Variants in TMEM171 observed in about 807,000 individuals in gnomAD.
TMEM171 encodes proline-rich protein PRP2.
In TMEM171, 16 loss-of-function variants were observed where a neutral mutation model predicts 19.1. The observed-to-expected ratio is 0.84, with a 90% CI of 0.57 to 1.27. The LOEUF (loss-of-function observed/expected upper bound fraction) is 1.27, where lower values mean the gene tolerates loss of function less well. Among genes scored for constraint, TMEM171 ranks in the 50% most tolerant of loss-of-function variants. The pLI is 0.00. For synonymous variants in TMEM171, 153 were observed against 163.4 expected, an observed-to-expected ratio of 0.94 and a Z score of 0.48; for missense variants, 429 against 412.7, an observed-to-expected ratio of 1.04 and a Z score of -0.34.
Position 73,131,772 on chromosome 5 carries a change from T to C in TMEM171, c.*42T>C, listed in dbSNP as rs1744368507. 1 of 1,456,420 alleles carries C rather than the reference T, an allele frequency of 6.9e-7. No homozygotes were observed. The highest frequency in any genetic ancestry group is 1.4e-5 in the African/African-American group (1 of 69,668). 90.2% of individuals were successfully genotyped at this position (1,456,420 alleles called of 1,614,324 possible). ...CAGTTTTATATGCAATGGATCACTA[T>C]TTTATTTAATTTTTTTTAAATAAAA... On this transcript the variant is annotated 3_prime_UTR_variant, in exon 4 of 4. Coordinates refer to ENST00000454765, the MANE Select transcript of TMEM171 (RefSeq NM_173490.8).
Position 73,128,415 on chromosome 5 carries a change from C to T in TMEM171, c.666C>T (p.Pro222=), listed in dbSNP as rs757208216. The change falls in exon 3 of 4, where the codon CCC becomes CCT. Residue 222 remains proline (P), a synonymous_variant. Coordinates refer to ENST00000454765, the MANE Select transcript of TMEM171 (RefSeq NM_173490.8). ...GTGACTCGGTAATAATATTTCCACC[C>T]CCTCCACCACCTTACTTTCCTGAAT... ...TVGDSVIIFP[P]PPPPYFPESS... 6.2e-6 allele frequency: 10 copies of T among 1,614,000 alleles called. No individual in the cohort carries two copies. The South Asian group carries it at 7.7e-5, about 12-fold the overall frequency.
At chr5:73,127,384 A>AATATATATATATATATATATAT (rs59879336) in intron 2 of TMEM171, among the ~76,000 whole-genome samples, 35 of 81,622 alleles carry the variant, frequency 4.3e-4, no homozygotes, top group African/African-American at 2.0e-3. Flanking sequence ...AAAAAAAAAA[A>AATATATATATATATATATATAT]ATATATATAT....
At chr5:73,127,384 A>AAAAAAAAAAAAATATATATATAT in intron 2 of TMEM171, among the ~76,000 whole-genome samples, 5 of 81,674 alleles carry the variant, frequency 6.1e-5, no homozygotes, top group Admixed American at 1.1e-4. Flanking sequence ...AAAAAAAAAA[A>AAAAAAAAAAAAATATATATATAT]ATATATATAT....
At chr5:73,130,192 T>G (rs1744295564) in intron 3 of TMEM171, among the ~76,000 whole-genome samples, 3 of 146,524 alleles carry the variant, frequency 2.0e-5, no homozygotes, top group Admixed American at 6.8e-5. Flanking sequence ...AGAGAGGAGG[T>G]GATGGAGATG....
intron 2 of TMEM171, among the ~76,000 whole-genome samples, chr5:73,126,054 C>T (rs1744154970): frequency 6.6e-6 from 1 of 152,290 alleles, no homozygotes; most frequent in South Asian, 2.1e-4. Context: ...AAAGGGAACT[C>T]GCAGAGGAGA....
chr5:73,124,031 G>A lies in TMEM171; in HGVS notation c.640+18G>A, dbSNP rs752547203. The A allele has an allele frequency of 1.7e-5, 26 of 1,514,856 alleles. No homozygotes were observed. The East Asian group carries it at 2.5e-4, about 15-fold the overall frequency. 93.8% of individuals were successfully genotyped at this position (1,514,856 alleles called of 1,614,324 possible). On this transcript the variant is annotated intron_variant, in intron 2 of 3. Transcript: ENST00000454765. ...CACTGTAGGTGGGTTGCTGTTATTT[G>A]CGTTCTTGCTTCTATCACAGTGGCT... is the stretch of plus-strand genomic sequence containing the variant.
chr5:73,122,002 G>T (rs1744019209), intron 1 of TMEM171, among the ~76,000 whole-genome samples: 1 of 152,146 alleles, frequency 6.6e-6, no homozygotes, highest in African/African-American at 2.4e-5. Context: ...GAGATAATTA[G>T]GTCAGCTCTG....
intron 1 of TMEM171, among the ~76,000 whole-genome samples, chr5:73,121,538 A>T (rs1293120986): frequency 6.6e-6 from 1 of 152,216 alleles, no homozygotes; most frequent in Non-Finnish European, 1.5e-5. Context: ...TCACTGCAGG[A>T]TGTTACTGAC....
At chr5:73,128,674 G>A (rs1744252526) in intron 3 of TMEM171, 143 bp downstream of exon 3, 1 of 1,019,006 alleles carries the variant, frequency 9.8e-7, no homozygotes, top group Non-Finnish European at 1.3e-6. Context: ...GATATTAACA[G>A]TACCTTTGCC....
At position 73,127,384 on chromosome 5, in the gene TMEM171, A is replaced by AAAT; in HGVS notation, c.641-1005_641-1004insATA. ...AAATTTGTGGTAAAAAAAAAAAAAA[A>AAAT]ATATATATATATATATATATATAAA... is the stretch of plus-strand genomic sequence containing the variant. On this transcript the variant is annotated intron_variant, in intron 2 of 3. Coordinates refer to ENST00000454765, the MANE Select transcript of TMEM171 (RefSeq NM_173490.8). Among the ~76,000 whole-genome samples, 437 of 81,690 alleles carry AAAT rather than the reference A, an allele frequency of 5.3e-3. 18 individuals carry two copies. Among genetic ancestry groups the AAAT allele is most frequent in the African/African-American group, 0.025 (376 of 15,228 alleles). The allele number at this position is 81,690 out of a possible 152,430, so 53.6% of individuals were successfully genotyped here. A position where few individuals can be genotyped will look rare whatever the true frequency, so the allele number is the denominator to read the frequency against.
At chr5:73,124,149 C>A in intron 2 of TMEM171, 136 bp downstream of exon 2, 1 of 754,500 alleles carries the variant, frequency 1.3e-6, no homozygotes, top group Non-Finnish European at 2.1e-6. Flanking sequence ...CACACGCACA[C>A]ACCCCCATCA....
At chr5:73,121,309 G>A (rs1744002406) in intron 1 of TMEM171, among the ~76,000 whole-genome samples, 1 of 152,166 alleles carries the variant, frequency 6.6e-6, no homozygotes, top group African/African-American at 2.4e-5. Context: ...ATGAATTCCT[G>A]ATAGGACTTT....
In TMEM171 at chr5:73,120,658, ACAG is replaced by A. The variant is rs1227914891; in HGVS notation, c.-102_-100del. On this transcript the variant is annotated 5_prime_UTR_variant, in exon 1 of 4. Coordinates refer to ENST00000454765, the MANE Select transcript of TMEM171 (RefSeq NM_173490.8). ...CGGACGCCGCGCCCAGCCAGTGCCC[ACAG>A]CAGCGCGGTCAGCCAGGCGCCGGAC... 1 of 984,020 alleles carries A rather than the reference ACAG, an allele frequency of 1.0e-6. No individual in the cohort carries two copies. Among genetic ancestry groups the A allele is most frequent in the Non-Finnish European group, 1.2e-6 (1 of 829,688 alleles). The allele number at this position is 984,020 out of a possible 1,614,324, so 61.0% of individuals were successfully genotyped here.
At chr5:73,126,250 A>G (rs1303831027) in intron 2 of TMEM171, among the ~76,000 whole-genome samples, 1 of 152,190 alleles carries the variant, frequency 6.6e-6, no homozygotes, top group Non-Finnish European at 1.5e-5. Context: ...ATGGAAGTGA[A>G]CACAACCCCA....
rs1744248307 is a variant in TMEM171 at position 73,128,564 on chromosome 5, C to A, written c.782+33C>A. ...TTTCAATTTGAACTTCAAGAGAGGC[C>A]TGAATTCAGGCCACACTAGTATTAA... On this transcript the variant is annotated intron_variant, in intron 3 of 3. Coordinates refer to ENST00000454765, the MANE Select transcript of TMEM171 (RefSeq NM_173490.8). 4.3e-6 allele frequency: 7 copies of A among 1,611,938 alleles called. No individual in the cohort carries two copies. In the East Asian group the frequency reaches 1.6e-4, roughly 36 times the overall value.
chr5:73,122,608 A>G (rs1047034607), intron 1 of TMEM171, among the ~76,000 whole-genome samples: 6 of 152,168 alleles, frequency 3.9e-5, no homozygotes, highest in African/African-American at 1.4e-4. Flanking sequence ...TATGTCACCC[A>G]GGCTGGTCTC....
chr5:73,123,243 A>C, intron 1 of TMEM171, 63 bp from the exon 2 acceptor site: 1 of 1,440,240 alleles, frequency 6.9e-7, no homozygotes, highest in East Asian at 2.4e-5. Context: ...TGATCAGCAA[A>C]AAACCAGGGT....
At chr5:73,126,676 G>C (rs1052439079) in intron 2 of TMEM171, among the ~76,000 whole-genome samples, 11 of 152,200 alleles carry the variant, frequency 7.2e-5, no homozygotes, top group African/African-American at 2.7e-4. Context: ...TGGCGGCTGA[G>C]GTCAAGGAGG....
chr5:73,125,628 A>G (rs2112922199), intron 2 of TMEM171, among the ~76,000 whole-genome samples: 1 of 152,294 alleles, frequency 6.6e-6, no homozygotes, highest in South Asian at 2.1e-4. Flanking sequence ...CTTGAGGAAC[A>G]CCGTGGGGTA....
Sources: gnomAD v4.1 joint callset for allele counts (sites outside exome capture counted in the v4.1 genomes callset) on GRCh38, gnomAD v4.1.1 for gene constraint, MANE v1.5 for transcripts, NCBI Gene and HGNC (gene_info 2026-07-23, HGNC 2026-07-21) for gene names.